SYCP2L: variants seen among roughly 807,000 people sequenced by gnomAD.
SYCP2L encodes the protein synaptonemal complex protein 2 like.
In SYCP2L, 98 loss-of-function variants were observed where a neutral mutation model predicts 125.8. That is an observed-to-expected ratio of 0.78 (90% confidence interval 0.66 to 0.92). The LOEUF (loss-of-function observed/expected upper bound fraction) is 0.92. Among genes scored for constraint, SYCP2L ranks in the 40% least tolerant of loss-of-function variants. The probability of loss-of-function intolerance (pLI) is 0.00; values close to 1 mark genes in which losing one functional copy is unlikely to be tolerated. For missense variants in SYCP2L, 842 were observed against 936.4 expected (o/e 0.90, Z 1.32); for synonymous variants, 317 against 325.4 (o/e 0.97, Z 0.28).
chr6:10,961,592 T>G, intron 28 of SYCP2L, 34 bp downstream of exon 28: 1 of 1,608,768 alleles, frequency 6.2e-7, no homozygotes, highest in East Asian at 2.2e-5. Context: ...AGAAGAATCT[T>G]GGTTGAAGTA....
At chr6:10,899,808 T>C (rs1780347658) in intron 6 of SYCP2L, among the ~76,000 whole-genome samples, 1 of 152,204 alleles carries the variant, frequency 6.6e-6, no homozygotes, top group Non-Finnish European at 1.5e-5. Context: ...TGGTTGGTCC[T>C]CATAATTCAA....
chr6:10,949,289 A>G lies in SYCP2L; in HGVS notation c.1955-5827A>G, dbSNP rs141353381. On this transcript the variant is annotated intron_variant, in intron 23 of 29. Transcript: ENST00000283141. ...AAGTTTTCTTAGAAATGCTTTGGCT[A>G]TATCACATTTTGATATTAGTGCTTT... Among the ~76,000 whole-genome samples the G allele has an allele frequency of 4.6e-5, 7 of 152,260 alleles. No homozygotes were observed. The South Asian group carries it at 8.3e-4, about 18-fold the overall frequency.
At chr6:10,968,614 G>T (rs1171141390) in intron 29 of SYCP2L, among the ~76,000 whole-genome samples, 5 of 152,200 alleles carry the variant, frequency 3.3e-5, no homozygotes, top group Admixed American at 2.0e-4. Flanking sequence ...TTTTCTTCCA[G>T]AAGAGGCTGA....
At chr6:10,915,970 A>G (rs891764119) in intron 14 of SYCP2L, among the ~76,000 whole-genome samples, 4 of 152,060 alleles carry the variant, frequency 2.6e-5, no homozygotes, top group African/African-American at 9.7e-5. Context: ...GGTGTTGGTA[A>G]TTTTTAAATT....
chr6:10,887,270 C>A, intron 1 of SYCP2L, 135 bp downstream of exon 1: 2 of 1,217,622 alleles, frequency 1.6e-6, no homozygotes, highest in South Asian at 1.3e-5. Context: ...AGTCCCCCGC[C>A]ACCTCCTTGG....
Position 10,910,873 on chromosome 6 carries a change from T to C in SYCP2L, c.918+4T>C, listed in dbSNP as rs1439204028. ...TGCTTTTGCTGATGAGCATGAGGTA[T>C]GTTCATCCCTCTTGGAGGTCCTGAG... On this transcript the variant is annotated splice_donor_region_variant and intron_variant, in intron 12 of 29. Coordinates refer to ENST00000283141, the MANE Select transcript of SYCP2L (RefSeq NM_001040274.3). 10 of 1,613,980 alleles carry C rather than the reference T, an allele frequency of 6.2e-6. No homozygotes were observed. Among genetic ancestry groups the C allele is most frequent in the Non-Finnish European group, 8.5e-6 (10 of 1,179,996 alleles).
chr6:10,936,295 G>A (rs1231192230), intron 21 of SYCP2L, among the ~76,000 whole-genome samples: 3 of 151,914 alleles, frequency 2.0e-5, no homozygotes, highest in Admixed American at 6.6e-5. Context: ...TCAGGAGTTC[G>A]AGACCAGCCT....
At chr6:10,890,066 G>A (rs1371099362) in intron 1 of SYCP2L, among the ~76,000 whole-genome samples, 2 of 152,148 alleles carry the variant, frequency 1.3e-5, no homozygotes, top group East Asian at 3.9e-4. Context: ...TGGCTGAAAA[G>A]TATTCCACTG....
In SYCP2L at chr6:10,927,360, A is replaced by T. The variant is rs764170128; in HGVS notation, c.1433A>T (p.Asp478Val). 3.5e-5 allele frequency: 56 copies of T among 1,611,200 alleles called. No individual in the cohort carries two copies. The South Asian group carries it at 5.7e-4, about 16-fold the overall frequency. The part of the protein sequence containing the change: ...EPPVIGEPAS[D>V]SHLQPVPPFG... ...CCTGTTATTGGGGAACCTGCCTCTG[A>T]TAGTCACGTAGGTTCTTTTCTATTT... The change falls in exon 17 of 30, where the codon GAT (aspartate) becomes GTT (valine). Residue 478 changes from aspartate (D) to valine (V), a missense_variant. Coordinates refer to ENST00000283141, the MANE Select transcript of SYCP2L (RefSeq NM_001040274.3).
At chr6:10,943,048 G>A (rs541318648) in intron 23 of SYCP2L, among the ~76,000 whole-genome samples, 2 of 152,160 alleles carry the variant, frequency 1.3e-5, no homozygotes, top group South Asian at 2.1e-4. Context: ...GCACAGTGGC[G>A]GTACTTTGCT....
At chr6:10,914,113 GT>G (rs1468991692) in intron 14 of SYCP2L, among the ~76,000 whole-genome samples, 3 of 152,144 alleles carry the variant, frequency 2.0e-5, no homozygotes, top group African/African-American at 7.2e-5. Context: ...GATTACATGT[GT>G]GAGCCACCGT....
rs115572559 is a variant in SYCP2L, at chr6:10,905,700, G to C, written c.642-320G>C. ...AAAGGACATACGCCCTCACAGGTTG[G>C]TGCGGTGATTATAAAACTCCAGAAT... On this transcript the variant is annotated intron_variant, in intron 8 of 29. Transcript: ENST00000283141. Among the ~76,000 whole-genome samples, 1,078 of 152,304 alleles carry C rather than the reference G, an allele frequency of 7.1e-3. 11 individuals carry two copies. The highest frequency in any genetic ancestry group is 0.022 in the African/African-American group (934 of 41,560).
At chr6:10,896,213 G>T (rs1053329105) in intron 4 of SYCP2L, among the ~76,000 whole-genome samples, 1 of 152,162 alleles carries the variant, frequency 6.6e-6, no homozygotes, top group African/African-American at 2.4e-5. Flanking sequence ...GGAGGATTAA[G>T]CAACTTTTCT....
Position 10,912,011 on chromosome 6 carries a change from C to A in SYCP2L, c.919-662C>A, listed in dbSNP as rs185366089. On this transcript the variant is annotated intron_variant, in intron 12 of 29. Coordinates refer to ENST00000283141, the MANE Select transcript of SYCP2L (RefSeq NM_001040274.3). This position sits in a 1 kb window ranked among gnomAD's most constrained non-coding sequence, Gnocchi z 4.1. ...CCGCCTCCCGGGTTCATGCCATTCT[C>A]CTGCCTCAGCCTCCCGAGTATACTT... Among the ~76,000 whole-genome samples, 1 of 145,420 alleles carries A rather than the reference C, an allele frequency of 6.9e-6. No individual in the cohort carries two copies. Among genetic ancestry groups the A allele is most frequent in the Non-Finnish European group, 1.5e-5 (1 of 66,826 alleles).
intron 23 of SYCP2L, among the ~76,000 whole-genome samples, chr6:10,949,179 A>G (rs1356192210): frequency 6.6e-6 from 1 of 151,686 alleles, no homozygotes; most frequent in Non-Finnish European, 1.5e-5. Flanking sequence ...TTATATCTTT[A>G]CGTTTATTCT....
intron 14 of SYCP2L, among the ~76,000 whole-genome samples, chr6:10,913,806 G>C (rs554803544): frequency 2.8e-4 from 42 of 152,026 alleles, no homozygotes; most frequent in South Asian, 6.2e-4. Flanking sequence ...CCAATGTCTA[G>C]AAGGGTTTTT....
At chr6:10,902,640 C>T in intron 6 of SYCP2L, 37 bp from the exon 7 acceptor site, 2 of 1,577,578 alleles carry the variant, frequency 1.3e-6, no homozygotes, top group Middle Eastern at 3.3e-4. Context: ...CTTACTCTTC[C>T]AAACATAAAT....
At position 10,955,066 on chromosome 6, in the gene SYCP2L, T is replaced by C; in HGVS notation, c.1955-50T>C. ...CAGTAAGACATTAACTGCCAAAAAA[T>C]GAACAAGATAATTTCGGGTCAAAAG... On this transcript the variant is annotated intron_variant, in intron 23 of 29. Coordinates refer to ENST00000283141, the MANE Select transcript of SYCP2L (RefSeq NM_001040274.3). 3.7e-6 allele frequency: 5 copies of C among 1,367,718 alleles called. No homozygotes were observed. In the South Asian group the frequency reaches 6.0e-5, roughly 16 times the overall value. The allele number at this position is 1,367,718 out of a possible 1,614,324, so 84.7% of individuals were successfully genotyped here.
intron 2 of SYCP2L, 106 bp downstream of exon 2, chr6:10,891,687 T>C (rs894144757): frequency 1.7e-5 from 12 of 725,630 alleles, no homozygotes; most frequent in Non-Finnish European, 2.1e-5. Flanking sequence ...GTGTATGTAT[T>C]CTTTCTAGTT....
Sources: gnomAD v4.1 joint callset for allele counts (sites outside exome capture counted in the v4.1 genomes callset) on GRCh38, gnomAD v4.1.1 for gene constraint, Gnocchi (gnomAD v3.1) non-coding constraint, MANE v1.5 for transcripts, NCBI Gene and HGNC (gene_info 2026-07-23, HGNC 2026-07-21) for gene names.